Variants in TAPT1 observed in about 807,000 individuals in gnomAD.
TAPT1 encodes transmembrane anterior posterior transformation protein 1 homolog.
In TAPT1, 28 loss-of-function variants were observed where a neutral mutation model predicts 65.6. The observed-to-expected ratio is 0.43, with a 90% CI of 0.32 to 0.59. TAPT1 has a LOEUF of 0.59. TAPT1 is among the 20% of genes least tolerant of loss of function. TAPT1 has a pLI of 0.09. For synonymous variants in TAPT1, 278 were observed against 245.2 expected, an observed-to-expected ratio of 1.13 and a Z score of -1.25; for missense variants, 563 against 679.9, an observed-to-expected ratio of 0.83 and a Z score of 1.91.
chr4:16,176,319 C>T, intron 8 of TAPT1, 91 bp from the exon 9 acceptor site: 2 of 632,910 alleles, frequency 3.2e-6, no homozygotes, highest in Middle Eastern at 3.2e-4. Flanking sequence ...ATCTCTAGAA[C>T]AAAACTGTAG....
intron 2 of TAPT1, among the ~76,000 whole-genome samples, chr4:16,209,390 A>G (rs1196143877): frequency 6.6e-6 from 1 of 152,230 alleles, no homozygotes; most frequent in Non-Finnish European, 1.5e-5. Flanking sequence ...GCACTGCAAA[A>G]GTGCCTTCTT....
chr4:16,190,623 A>C (rs1444872007), intron 4 of TAPT1: 1 of 154,166 alleles, frequency 6.5e-6, no homozygotes, highest in Non-Finnish European at 1.5e-5. Context: ...TACAGGTGTG[A>C]GCCACCGTGC....
chr4:16,197,236 C>T (rs1749763648), intron 3 of TAPT1, among the ~76,000 whole-genome samples: 1 of 152,142 alleles, frequency 6.6e-6, no homozygotes. Context: ...GAGAGTTATG[C>T]CTAAAGCCGG....
chr4:16,226,543 C>T (rs1291227335), upstream of TAPT1: 1 of 901,432 alleles, frequency 1.1e-6, no homozygotes, highest in Non-Finnish European at 1.3e-6. Context: ...CCGCCCCTCG[C>T]CGGAGCCCGA....
chr4:16,165,768 C>G (rs560298459), intron 13 of TAPT1, among the ~76,000 whole-genome samples: 2 of 152,248 alleles, frequency 1.3e-5, no homozygotes, highest in East Asian at 3.9e-4. Flanking sequence ...CCAGCAAATA[C>G]TTCACGCAAA....
chr4:16,183,070 C>T (rs1262892021), intron 7 of TAPT1: 1 of 152,138 alleles, frequency 6.6e-6, no homozygotes, highest in Non-Finnish European at 1.5e-5. Context: ...CATTAAGTAG[C>T]TACTACTGAA....
At chr4:16,182,261 T>A (rs1748752774) in intron 7 of TAPT1, among the ~76,000 whole-genome samples, 1 of 152,076 alleles carries the variant, frequency 6.6e-6, no homozygotes, top group Non-Finnish European at 1.5e-5. Flanking sequence ...AATAACAGAG[T>A]CTGATACTGA....
intron 12 of TAPT1, among the ~76,000 whole-genome samples, chr4:16,169,891 G>A (rs1747881760): frequency 6.6e-6 from 1 of 152,196 alleles, no homozygotes; most frequent in Non-Finnish European, 1.5e-5. Context: ...TGACTGCTAT[G>A]CTTACCCTCC....
intron 13 of TAPT1, among the ~76,000 whole-genome samples, chr4:16,165,518 C>T (rs923383316): frequency 3.3e-5 from 5 of 149,406 alleles, no homozygotes; most frequent in African/African-American, 1.2e-4. Flanking sequence ...TGCAGTGAGC[C>T]GAGATCACGC....
upstream of TAPT1, chr4:16,227,010 C>T (rs748803373): frequency 2.2e-6 from 1 of 449,930 alleles, no homozygotes; most frequent in Admixed American, 2.4e-5. Flanking sequence ...GGCGGGGGCC[C>T]GGCTCCAGAT....
At chr4:16,204,303 G>A (rs1254888476) in intron 2 of TAPT1, among the ~76,000 whole-genome samples, 3 of 152,216 alleles carry the variant, frequency 2.0e-5, no homozygotes. Context: ...CCAAAGCACT[G>A]AAGACAGTTC....
rs16893167 is a variant in TAPT1 at position 16,186,997 on chromosome 4, T to C, written c.749-119A>G. The C allele has an allele frequency of 4.9e-3, 3,015 of 620,012 alleles. 84 individuals are homozygous for C. In the African/African-American group the frequency reaches 0.05, roughly 10 times the overall value. The allele number at this position is 620,012 out of a possible 1,614,324, so 38.4% of individuals were successfully genotyped here. On this transcript the variant is annotated intron_variant, in intron 5 of 13. Transcript: ENST00000405303. The stretch of plus-strand genomic sequence containing the variant: ...CTTTTCTAAATTGTCTTAATAAGTA[T>C]TGTATTATCTTCATAATTTCCCTAT...
At chr4:16,186,084 G>C (rs1001913175) in intron 7 of TAPT1, among the ~76,000 whole-genome samples, 4 of 152,108 alleles carry the variant, frequency 2.6e-5, no homozygotes, top group Non-Finnish European at 4.4e-5. Context: ...CAAAAATTTT[G>C]TGCCTTCACA....
At chr4:16,166,007 T>C (rs1170562730) in intron 13 of TAPT1, among the ~76,000 whole-genome samples, 1 of 152,214 alleles carries the variant, frequency 6.6e-6, no homozygotes, top group Non-Finnish European at 1.5e-5. Flanking sequence ...CATAACAGCC[T>C]GCAGCTCTCC....
chr4:16,175,054 G>C (rs1230380439), intron 9 of TAPT1: 1 of 166,744 alleles, frequency 6.0e-6, no homozygotes, highest in Non-Finnish European at 1.3e-5. Context: ...AAATAATTTT[G>C]AAATTTTAAA....
At chr4:16,209,087 ATCTT>A (rs1750511027) in intron 2 of TAPT1, among the ~76,000 whole-genome samples, 3 of 151,816 alleles carry the variant, frequency 2.0e-5, no homozygotes, top group Admixed American at 1.3e-4. Flanking sequence ...TGGCCAGTCT[ATCTT>A]TCTTTCCAGC....
chr4:16,195,255 A>T (rs1749634422), intron 3 of TAPT1, among the ~76,000 whole-genome samples: 1 of 152,208 alleles, frequency 6.6e-6, no homozygotes, highest in African/African-American at 2.4e-5. Context: ...CTATCTGATA[A>T]GCACTTCAAA....
At chr4:16,178,726 G>T (rs891514903) in intron 8 of TAPT1, among the ~76,000 whole-genome samples, 10 of 152,166 alleles carry the variant, frequency 6.6e-5, no homozygotes, top group African/African-American at 2.4e-4. Context: ...GAAAATTCAT[G>T]GAGTCTTGAC....
At chr4:16,216,696 C>T (rs894835390) in intron 1 of TAPT1, among the ~76,000 whole-genome samples, 2 of 152,136 alleles carry the variant, frequency 1.3e-5, no homozygotes, top group African/African-American at 4.8e-5. Context: ...TAACTTTTTT[C>T]CCCTTTTTCC....
Sources: gnomAD v4.1 joint callset for allele counts (sites outside exome capture counted in the v4.1 genomes callset) on GRCh38, gnomAD v4.1.1 for gene constraint, MANE v1.5 for transcripts, NCBI Gene and HGNC (gene_info 2026-07-23, HGNC 2026-07-21) for gene names.